TXNDC16: variants seen among roughly 807,000 people sequenced by gnomAD.
TXNDC16 encodes the protein thioredoxin domain containing 16, also known as thioredoxin domain-containing protein 16.
In TXNDC16, 74 loss-of-function variants were observed where a neutral mutation model predicts 85.6. That is an observed-to-expected ratio of 0.86 (90% CI 0.72 to 1.05). The LOEUF (loss-of-function observed/expected upper bound fraction) is 1.05. Among genes scored for constraint, TXNDC16 ranks in the 50% least tolerant of loss-of-function variants. The pLI is 0.00. For missense variants in TXNDC16, 959 were observed against 947.0 expected (o/e 1.01, Z -0.17); for synonymous variants, 335 against 326.5 (o/e 1.03, Z -0.28).
intron 16 of TXNDC16, among the ~76,000 whole-genome samples, chr14:52,458,106 T>G (rs2035574342): frequency 6.6e-6 from 1 of 152,216 alleles, no homozygotes; most frequent in Non-Finnish European, 1.5e-5. Flanking sequence ...ATTCATGATG[T>G]AAGCATTCAA....
At chr14:52,437,904 A>G (rs1408271663) in intron 20 of TXNDC16, among the ~76,000 whole-genome samples, 4 of 152,170 alleles carry the variant, frequency 2.6e-5, no homozygotes, top group Non-Finnish European at 5.9e-5. Flanking sequence ...ATCTCAAACA[A>G]AGGCAATAAC....
chr14:52,506,609 T>A lies in TXNDC16; in HGVS notation c.756+4631A>T, dbSNP rs1464911754. Among the ~76,000 whole-genome samples the A allele has an allele frequency of 1.5e-4, 19 of 129,624 alleles. 3 individuals carry two copies. Among genetic ancestry groups the A allele is most frequent in the Non-Finnish European group, 2.1e-4 (13 of 62,810 alleles). 85.0% of individuals were successfully genotyped at this position (129,624 alleles called of 152,430 possible). On this transcript the variant is annotated intron_variant, in intron 9 of 20. Transcript: ENST00000281741. ...CTGTCGCCCAGGCCAGACTGCGGAC[T>A]GCAGTGGCGCAATCTCGGCTCACTG...
chr14:52,468,208 A>G (rs893620303), intron 16 of TXNDC16, among the ~76,000 whole-genome samples: 2 of 152,232 alleles, frequency 1.3e-5, no homozygotes, highest in African/African-American at 4.8e-5. Flanking sequence ...TACTTGTAAA[A>G]CATACACTTA....
intron 6 of TXNDC16, among the ~76,000 whole-genome samples, chr14:52,528,892 T>C (rs1170658704): frequency 6.8e-6 from 1 of 147,648 alleles, no homozygotes; most frequent in East Asian, 1.9e-4. Flanking sequence ...TTATCTATAA[T>C]ACCTATTATA....
intron 14 of TXNDC16, among the ~76,000 whole-genome samples, chr14:52,477,078 C>A (rs962377232): frequency 1.8e-4 from 28 of 152,184 alleles, no homozygotes. Flanking sequence ...CAAAACTAAG[C>A]TTCCTAAGTG....
intron 16 of TXNDC16, among the ~76,000 whole-genome samples, chr14:52,463,216 C>T (rs868347991): frequency 3.3e-5 from 5 of 151,386 alleles, no homozygotes; most frequent in African/African-American, 1.2e-4. Context: ...AAAATCTGCT[C>T]AAACAAACTC....
intron 18 of TXNDC16, among the ~76,000 whole-genome samples, chr14:52,451,654 TA>T (rs1386492328): frequency 6.6e-6 from 1 of 151,816 alleles, no homozygotes. Context: ...ATCCCTTCAT[TA>T]AAAAAACCCT....
chr14:52,500,886 T>C (rs12588091), intron 9 of TXNDC16, among the ~76,000 whole-genome samples: 14,703 of 152,220 alleles, frequency 0.097, 829 homozygotes, highest in East Asian at 0.18. Flanking sequence ...TTTTATTAGA[T>C]ATTTGCACTT....
At chr14:52,540,231 T>C (rs1045845021) in intron 4 of TXNDC16, among the ~76,000 whole-genome samples, 3 of 152,238 alleles carry the variant, frequency 2.0e-5, no homozygotes, top group Non-Finnish European at 2.9e-5. Context: ...TGCCTCTTGC[T>C]ATCTTCTGAA....
intron 18 of TXNDC16, among the ~76,000 whole-genome samples, chr14:52,450,338 T>C (rs1594687476): frequency 6.7e-6 from 1 of 150,314 alleles, no homozygotes; most frequent in African/African-American, 2.5e-5. Context: ...TTAGAAGAAA[T>C]GGACAAATTC....
At chr14:52,503,922 A>T (rs1187517454) in intron 9 of TXNDC16, among the ~76,000 whole-genome samples, 2 of 152,242 alleles carry the variant, frequency 1.3e-5, no homozygotes, top group African/African-American at 4.8e-5. Flanking sequence ...GAACTACGGG[A>T]CAAATGCACA....
chr14:52,465,108 A>G (rs1244122527), intron 16 of TXNDC16, among the ~76,000 whole-genome samples: 1 of 152,176 alleles, frequency 6.6e-6, no homozygotes, highest in Non-Finnish European at 1.5e-5. Context: ...CTAGATGTAA[A>G]TTTGTAGAAA....
rs769074622 is a variant in TXNDC16 at position 52,432,498 on chromosome 14, T to C, written c.2284A>G (p.Arg762Gly). ...TCTTTCATACACTTGGGAACTTTCC[T>C]AGTGCCACGTTGAGATGTTGCGGCA... is the stretch of plus-strand genomic sequence containing the variant. ...IDAATSQRGT[R>G]KVPKCMKETD... Residue 762 changes from arginine (R) to glycine (G), a missense_variant, in exon 21 of 21, where the codon AGG becomes GGG. Transcript: ENST00000281741. 131 of 1,613,952 alleles carry C rather than the reference T, an allele frequency of 8.1e-5. No individual in the cohort carries two copies. Among genetic ancestry groups the C allele is most frequent in the Non-Finnish European group, 1.1e-4 (127 of 1,179,972 alleles).
At chr14:52,505,525 A>G (rs1187713788) in intron 9 of TXNDC16, among the ~76,000 whole-genome samples, 1 of 152,222 alleles carries the variant, frequency 6.6e-6, no homozygotes, top group African/African-American at 2.4e-5. Flanking sequence ...AATGAGAACA[A>G]AGACATGACA....
At chr14:52,452,645 AG>A (rs1168567218) in intron 18 of TXNDC16, among the ~76,000 whole-genome samples, 1 of 152,216 alleles carries the variant, frequency 6.6e-6, no homozygotes, top group African/African-American at 2.4e-5. Flanking sequence ...GAATGAAACT[AG>A]GCCCCTATCT....
At chr14:52,489,894 T>G (rs2036360746) in intron 11 of TXNDC16, among the ~76,000 whole-genome samples, 1 of 152,192 alleles carries the variant, frequency 6.6e-6, no homozygotes, top group Non-Finnish European at 1.5e-5. Context: ...GGACGTGCAG[T>G]GGCACAATCA....
In TXNDC16 at chr14:52,530,418, ATAT is replaced by A. The variant is rs1310241181; in HGVS notation, c.392+6298_392+6300del. ...TAATATAATATATAATTATTATATAATATTATATATAATAATATATAATATATT... is the reference window on the plus strand; with the variant it reads ...TAATATAATATATAATTATTATATAATATATATAATAATATATAATATATT... On this transcript the variant is annotated intron_variant, in intron 6 of 20. Coordinates refer to ENST00000281741, the MANE Select transcript of TXNDC16 (RefSeq NM_020784.3). Among the ~76,000 whole-genome samples, 6 of 3,474 alleles carry A rather than the reference ATAT, an allele frequency of 1.7e-3. 1 individual carries two copies. The highest frequency in any genetic ancestry group is 8.6e-4 in the Non-Finnish European group (2 of 2,322). The allele number at this position is 3,474 out of a possible 152,430, so 2.3% of individuals were successfully genotyped here. A position where few individuals can be genotyped will look rare whatever the true frequency, so the allele number is the denominator to read the frequency against.
intron 6 of TXNDC16, among the ~76,000 whole-genome samples, chr14:52,521,525 T>C (rs780265607): frequency 1.3e-5 from 2 of 152,176 alleles, no homozygotes; most frequent in Non-Finnish European, 2.9e-5. Flanking sequence ...ACACATCATG[T>C]AGCCTCTAGA....
intron 20 of TXNDC16, among the ~76,000 whole-genome samples, chr14:52,433,388 C>A (rs1343643875): frequency 1.3e-5 from 2 of 152,020 alleles, no homozygotes; most frequent in African/African-American, 4.8e-5. Context: ...TTAGTTGGCC[C>A]ATTTAGGGTA....
Sources: gnomAD v4.1 joint callset for allele counts (sites outside exome capture counted in the v4.1 genomes callset) on GRCh38, gnomAD v4.1.1 for gene constraint, MANE v1.5 for transcripts, NCBI Gene and HGNC (gene_info 2026-07-23, HGNC 2026-07-21) for gene names.